Variants in LINGO1 observed in about 807,000 individuals in gnomAD.
LINGO1 encodes leucine-rich repeat and immunoglobulin-like domain-containing nogo receptor-interacting protein 1.
In LINGO1, 11 loss-of-function variants were observed where a neutral mutation model predicts 37.3. That is an observed-to-expected ratio of 0.29 (90% CI 0.19 to 0.49). The LOEUF (loss-of-function observed/expected upper bound fraction) is 0.49, where lower values mean the gene tolerates loss of function less well. Among genes scored for constraint, LINGO1 ranks in the 20% least tolerant of loss-of-function variants. The pLI is 0.99. For missense variants in LINGO1, 585 were observed against 878.2 expected, an observed-to-expected ratio of 0.67 and a Z score of 4.22; for synonymous variants, 387 against 403.0, an observed-to-expected ratio of 0.96 and a Z score of 0.48.
intron 1 of LINGO1, among the ~76,000 whole-genome samples, chr15:77,812,359 G>A (rs1382416395): frequency 6.6e-6 from 1 of 152,198 alleles, no homozygotes; most frequent in Non-Finnish European, 1.5e-5. Context: ...AACTGCCCGG[G>A]CATCTCATTC....
intron 3 of LINGO1, among the ~76,000 whole-genome samples, chr15:77,657,049 C>G (rs1475830339): frequency 7.9e-5 from 12 of 152,208 alleles, no homozygotes; most frequent in Admixed American, 7.9e-4. Context: ...CTCCTACCAG[C>G]TGTGTGGACT....
upstream of LINGO1, among the ~76,000 whole-genome samples, chr15:77,636,748 T>G (rs1200406614): frequency 6.6e-6 from 1 of 151,860 alleles, no homozygotes; most frequent in African/African-American, 2.4e-5. Context: ...AAGGCTGAAG[T>G]CCAGAAGGTG....
chr15:77,742,638 CT>C (rs1325553523), intron 1 of LINGO1, among the ~76,000 whole-genome samples: 2 of 152,214 alleles, frequency 1.3e-5, no homozygotes, highest in Non-Finnish European at 2.9e-5. Context: ...TCCCTCCCAG[CT>C]AACAATGAGA....
At chr15:77,684,728 G>A (rs2075473739) in intron 2 of LINGO1, among the ~76,000 whole-genome samples, 1 of 152,190 alleles carries the variant, frequency 6.6e-6, no homozygotes, top group East Asian at 1.9e-4. Context: ...CAAGGAAATG[G>A]ATGGGTTTGT....
chr15:77,772,285 G>T (rs2076593363), intron 1 of LINGO1, among the ~76,000 whole-genome samples: 1 of 152,222 alleles, frequency 6.6e-6, no homozygotes, highest in South Asian at 2.1e-4. Flanking sequence ...GGAGTTTGGT[G>T]TCAGGCAGCC....
intron 2 of LINGO1, among the ~76,000 whole-genome samples, chr15:77,688,393 T>G (rs1445145508): frequency 6.6e-6 from 1 of 152,242 alleles, no homozygotes; most frequent in East Asian, 1.9e-4. Context: ...TTAAGTAAAT[T>G]TAATTACCAG....
intron 1 of LINGO1, among the ~76,000 whole-genome samples, chr15:77,805,958 C>A (rs189730363): frequency 3.3e-5 from 5 of 152,346 alleles, no homozygotes; most frequent in Middle Eastern, 6.8e-3. Context: ...CCTGACCCCA[C>A]CCGGGGCTGA....
chr15:77,706,375 G>C (rs1264748875), intron 2 of LINGO1, among the ~76,000 whole-genome samples: 1 of 152,150 alleles, frequency 6.6e-6, no homozygotes, highest in Non-Finnish European at 1.5e-5. Context: ...AGCCAGGGCA[G>C]CACTGTTGAA....
intron 1 of LINGO1, among the ~76,000 whole-genome samples, chr15:77,744,098 A>C (rs1045274031): frequency 6.6e-6 from 1 of 152,172 alleles, no homozygotes; most frequent in Non-Finnish European, 1.5e-5. Context: ...CCTCTCCCCA[A>C]ACGAGGCCTG....
At chr15:77,647,942 T>C in intron 3 of LINGO1, 1 of 454,170 alleles carries the variant, frequency 2.2e-6, no homozygotes, top group Non-Finnish European at 4.4e-6. Flanking sequence ...GTGCCACCAT[T>C]GCTAACTGAT....
Position 77,646,573 on chromosome 15 carries a change from G to T in LINGO1, c.-13+30516C>A, listed in dbSNP as rs889159284. On this transcript the variant is annotated intron_variant, in intron 3 of 3. Transcript: ENST00000559893. ...AACCTGGGGTTTCCCCCACTTCCAA[G>T]AGGGACAGACCAGGGGCCAGCCTCT... 8 of 383,128 alleles carry T rather than the reference G, an allele frequency of 2.1e-5. No individual in the cohort carries two copies. The Admixed American group carries it at 2.3e-4, about 11-fold the overall frequency. The allele number at this position is 383,128 out of a possible 1,614,324, so 23.7% of individuals were successfully genotyped here.
intron 1 of LINGO1, among the ~76,000 whole-genome samples, chr15:77,780,778 C>G (rs552730292): frequency 6.6e-6 from 1 of 151,792 alleles, no homozygotes; most frequent in Non-Finnish European, 1.5e-5. Context: ...CTCCTCCCCC[C>G]ACCCCCACCA....
Position 77,615,518 on chromosome 15 carries a change from C to A in LINGO1, c.389G>T (p.Arg130Leu). The A allele has an allele frequency of 6.2e-7, 1 of 1,613,818 alleles. No homozygotes were observed. The highest frequency in any genetic ancestry group is 8.5e-7 in the Non-Finnish European group (1 of 1,179,770). ...NLRTLGLRSN[R>L]LKLIPLGVFT... ...GACGCCTAGCGGGATGAGCTTCAGG[C>A]GGTTGCTGCGGAGACCCAGCGTCCG... The change falls in exon 2 of 2, where the codon CGC (arginine) becomes CTC (leucine). Residue 130 changes from arginine (R) to leucine (L), a missense_variant. This residue lies in a region of LINGO1 where 484 missense variants were observed against 735.0 expected (regional missense o/e 0.66). Transcript: ENST00000355300.
intron 2 of LINGO1, among the ~76,000 whole-genome samples, chr15:77,719,814 G>A (rs1490022151): frequency 6.8e-6 from 1 of 147,846 alleles, no homozygotes; most frequent in Admixed American, 6.8e-5. Context: ...ACACTCACAC[G>A]CTTTCATACA....
chr15:77,743,558 A>C (rs1223041442), intron 1 of LINGO1, among the ~76,000 whole-genome samples: 1 of 152,208 alleles, frequency 6.6e-6, no homozygotes, highest in Non-Finnish European at 1.5e-5. Context: ...GACAGAATCT[A>C]CTGTGGGCAC....
At chr15:77,813,638 C>G (rs1232595791) in intron 1 of LINGO1, among the ~76,000 whole-genome samples, 1 of 152,134 alleles carries the variant, frequency 6.6e-6, no homozygotes, top group African/African-American at 2.4e-5. Context: ...AACAGTGATA[C>G]GTTGAATGAT....
chr15:77,626,508 G>T (rs748758020), intron 1 of LINGO1, among the ~76,000 whole-genome samples: 17 of 152,234 alleles, frequency 1.1e-4, no homozygotes, highest in Non-Finnish European at 2.2e-4. Flanking sequence ...TATCCAGGAG[G>T]TGATGGAGCC....
chr15:77,641,186 G>T (rs926159046), intron 3 of LINGO1, among the ~76,000 whole-genome samples: 2 of 152,226 alleles, frequency 1.3e-5, no homozygotes, highest in African/African-American at 4.8e-5. Flanking sequence ...CAGCTCAGCT[G>T]AGAGTGGGGT....
At chr15:77,672,959 C>G (rs763040877) in intron 3 of LINGO1, among the ~76,000 whole-genome samples, 5 of 152,182 alleles carry the variant, frequency 3.3e-5, no homozygotes, top group Non-Finnish European at 7.3e-5. Context: ...GAGGTCTGGA[C>G]AGACATGAGA....
Sources: allele counts gnomAD v4.1 joint callset (sites outside exome capture counted in the v4.1 genomes callset), GRCh38; gene constraint gnomAD v4.1.1; regional missense constraint gnomAD v4.1.1; transcripts MANE v1.5; gene names NCBI Gene and HGNC (gene_info 2026-07-23, HGNC 2026-07-21).